The following GPHN variants were observed in gnomAD, a reference collection of about 807,000 sequenced individuals.
GPHN encodes gephyrin.
In GPHN, 17 loss-of-function variants were observed where a neutral mutation model predicts 95.5. The observed-to-expected ratio is 0.18, with a 90% CI of 0.12 to 0.27. The LOEUF (loss-of-function observed/expected upper bound fraction) is 0.27, where lower values mean the gene tolerates loss of function less well. GPHN is among the 10% of genes least tolerant of loss of function. GPHN has a pLI of 1.00. For synonymous variants in GPHN, 320 were observed against 322.5 expected, an observed-to-expected ratio of 0.99 and a Z score of 0.08; for missense variants, 660 against 978.1, an observed-to-expected ratio of 0.67 and a Z score of 4.34.
chr14:67,297,502 C>T, the GPHN span, among the ~76,000 whole-genome samples: 1 of 152,028 alleles, frequency 6.6e-6, no homozygotes, highest in African/African-American at 2.4e-5. Context: ...GAAATTTATT[C>T]TATACATGAT....
chr14:66,985,613 T>C, intron 9 of GPHN: 3 of 961,512 alleles, frequency 3.1e-6, no homozygotes, highest in Non-Finnish European at 4.8e-6. Context: ...TACTTACTAA[T>C]GTATAGAAAA....
the GPHN span, among the ~76,000 whole-genome samples, chr14:67,582,583 C>A: frequency 6.6e-6 from 1 of 152,136 alleles, no homozygotes; most frequent in African/African-American, 2.4e-5. The surrounding 1 kb of genome is among the most constrained non-coding windows in gnomAD (Gnocchi z 5.0). Flanking sequence ...CTTTGCGAGG[C>A]CGAGGCGGGC....
At chr14:67,132,611 G>C (rs17781208) in intron 17 of GPHN, among the ~76,000 whole-genome samples, 3,691 of 151,892 alleles carry the variant, frequency 0.024, 70 homozygotes, top group Non-Finnish European at 0.038. Flanking sequence ...GGTTCTTTCC[G>C]ATCTCAGTGA....
intron 9 of GPHN, among the ~76,000 whole-genome samples, chr14:66,981,581 T>C (rs936215405): frequency 6.6e-6 from 1 of 152,200 alleles, no homozygotes; most frequent in Non-Finnish European, 1.5e-5. Flanking sequence ...AAGTTTTATT[T>C]CTTTTCATTG....
At chr14:67,428,864 G>A in the GPHN span, among the ~76,000 whole-genome samples, 3 of 152,296 alleles carry the variant, frequency 2.0e-5, no homozygotes, top group East Asian at 1.9e-4. Flanking sequence ...AGAAGCAGGC[G>A]TTGGTTTGGA....
chr14:67,342,274 A>G, the GPHN span, among the ~76,000 whole-genome samples: 1 of 151,912 alleles, frequency 6.6e-6, no homozygotes, highest in Admixed American at 6.6e-5. Context: ...CCAACCATCC[A>G]AAAGAGTAAC....
chr14:67,412,977 TG>T, the GPHN span, among the ~76,000 whole-genome samples: 1 of 152,178 alleles, frequency 6.6e-6, no homozygotes, highest in African/African-American at 2.4e-5. Context: ...TTGCCCAGGC[TG>T]GTCTTGATTC....
the GPHN span, among the ~76,000 whole-genome samples, chr14:67,213,756 G>T: frequency 6.6e-6 from 1 of 152,206 alleles, no homozygotes; most frequent in East Asian, 1.9e-4. Flanking sequence ...TTCCACAAGG[G>T]TTGAACTAGT....
the GPHN span, among the ~76,000 whole-genome samples, chr14:67,604,288 C>A: frequency 6.6e-6 from 1 of 152,212 alleles, no homozygotes; most frequent in African/African-American, 2.4e-5. Context: ...ACTTACTTTT[C>A]CATACTCTAA....
chr14:67,725,191 G>C, the GPHN span: 3 of 1,614,174 alleles, frequency 1.9e-6, no homozygotes, highest in Non-Finnish European at 2.5e-6. Context: ...CCAGGTGCTG[G>C]TGCGGAAATT....
chr14:67,141,843 C>G (rs947619832), intron 17 of GPHN, among the ~76,000 whole-genome samples: 7 of 152,166 alleles, frequency 4.6e-5, no homozygotes, highest in African/African-American at 1.7e-4. Flanking sequence ...TATCTTGAGT[C>G]ACTAACTTTC....
At chr14:66,587,300 A>C (rs917343633) in intron 1 of GPHN, among the ~76,000 whole-genome samples, 8 of 152,216 alleles carry the variant, frequency 5.3e-5, no homozygotes, top group African/African-American at 1.9e-4. Flanking sequence ...CTTTACAAAC[A>C]TTTAAAGAAG....
chr14:67,617,441 C>G, the GPHN span: 6 of 152,312 alleles, frequency 3.9e-5, no homozygotes, highest in East Asian at 1.2e-3. Context: ...TGGGACTGGT[C>G]ACATGAGGTC....
At chr14:67,476,786 C>T in the GPHN span, among the ~76,000 whole-genome samples, 1 of 152,054 alleles carries the variant, frequency 6.6e-6, no homozygotes, top group African/African-American at 2.4e-5. Context: ...CACATGACTG[C>T]CCATCTCTTA....
At chr14:67,515,384 G>A in the GPHN span, 1 of 176,536 alleles carries the variant, frequency 5.7e-6, no homozygotes, top group Non-Finnish European at 1.1e-5. Flanking sequence ...TGCAGCCGCC[G>A]CTGCCCGGGA....
chr14:66,755,987 A>G (rs528073014), intron 2 of GPHN, among the ~76,000 whole-genome samples: 1 of 152,226 alleles, frequency 6.6e-6, no homozygotes, highest in African/African-American at 2.4e-5. Flanking sequence ...ATATTTGTGC[A>G]TTTATCTGCT....
chr14:67,222,113 G>A, the GPHN span: 1 of 294,362 alleles, frequency 3.4e-6, no homozygotes, highest in Non-Finnish European at 6.2e-6. Context: ...ACCACGCCAA[G>A]CCTAGTTCTG....
intron 1 of GPHN, among the ~76,000 whole-genome samples, chr14:66,647,060 C>CT (rs1194914414): frequency 0.076 from 9,488 of 124,316 alleles, 381 homozygotes; most frequent in Middle Eastern, 0.098. Flanking sequence ...CCATACCTGG[C>CT]TTTTTTTTTT....
At chr14:66,981,631 TAAG>T (rs1281336056) in intron 9 of GPHN, among the ~76,000 whole-genome samples, 1 of 152,188 alleles carries the variant, frequency 6.6e-6, no homozygotes, top group Non-Finnish European at 1.5e-5. Context: ...TATGGTATAA[TAAG>T]GTTAAAAATA....
Sources: allele counts gnomAD v4.1 joint callset (sites outside exome capture counted in the v4.1 genomes callset), GRCh38; gene constraint gnomAD v4.1.1; non-coding constraint Gnocchi (gnomAD v3.1); transcripts MANE v1.5; gene names NCBI Gene and HGNC (gene_info 2026-07-23, HGNC 2026-07-21).